Variants in PTER observed in about 807,000 individuals in gnomAD.
The protein encoded by PTER is N-acetyltaurine hydrolase.
Under a neutral mutation model 29.6 loss-of-function variants are expected in PTER, and 38 were observed. That is an observed-to-expected ratio of 1.28 (90% CI 0.99 to 1.68). The LOEUF (loss-of-function observed/expected upper bound fraction) is 1.68, where lower values mean the gene tolerates loss of function less well. Ranked by LOEUF, PTER falls within the 40% of genes most tolerant of loss-of-function variation. The pLI is 0.00. For missense variants in PTER, 482 were observed against 427.8 expected, an observed-to-expected ratio of 1.13 and a Z score of -1.12; for synonymous variants, 172 against 154.5, an observed-to-expected ratio of 1.11 and a Z score of -0.84.
chr10:16,484,451 A>G lies in PTER; in HGVS notation c.67A>G (p.Thr23Ala), dbSNP rs1311338848. Residue 23 changes from threonine (T) to alanine (A), a missense_variant, in exon 2 of 5, where the codon ACC (threonine) becomes GCC (alanine). By Grantham distance (58) the Thr-to-Ala change is moderately conservative. Coordinates refer to ENST00000535784, the MANE Select transcript of PTER (RefSeq NM_001261836.2). ...TGTAGAGCCAAGCAAACTGGGCCGT[A>G]CCCTGACCCATGAACACCTGGCCAT... is the stretch of plus-strand genomic sequence containing the variant. ...GLVEPSKLGR[T>A]LTHEHLAMTF... The G allele has an allele frequency of 1.2e-6, 2 of 1,613,962 alleles. No homozygotes were observed. The highest frequency in any genetic ancestry group is 1.7e-6 in the Non-Finnish European group (2 of 1,179,998).
intron 1 of PTER, among the ~76,000 whole-genome samples, chr10:16,467,107 A>ATGG (rs1188361028): frequency 6.6e-6 from 1 of 152,104 alleles, no homozygotes; most frequent in African/African-American, 2.4e-5. Flanking sequence ...CCCCTTATCC[A>ATGG]TGGTTTTGCT....
At chr10:16,469,092 G>C (rs1834952192) in intron 1 of PTER, among the ~76,000 whole-genome samples, 2 of 152,162 alleles carry the variant, frequency 1.3e-5, no homozygotes, top group African/African-American at 4.8e-5. Context: ...CAACAAGGAG[G>C]AACCACAGGA....
rs769620860 is a variant in PTER at position 16,505,156 on chromosome 10, A to T, written c.835A>T (p.Arg279Ter). The change falls in exon 4 of 5, where the codon AGA becomes TGA. Residue 279 changes from arginine (R) to a stop codon, truncating the protein, a stop_gained. Coordinates refer to ENST00000535784, the MANE Select transcript of PTER (RefSeq NM_001261836.2). LOFTEE classifies it high-confidence loss of function. ...IDMPDDNKRI[R>*]RVRLLVEEGC... ...CATGCCTGATGATAACAAAAGAATT[A>T]GAAGGTAAATATGGTAAAGCCTCTC... is the stretch of plus-strand genomic sequence containing the variant. The T allele has an allele frequency of 9.3e-6, 15 of 1,613,918 alleles. No homozygotes were observed. The South Asian group carries it at 1.5e-4, about 17-fold the overall frequency.
intron 1 of PTER, among the ~76,000 whole-genome samples, chr10:16,440,781 A>G (rs2133353707): frequency 6.6e-6 from 1 of 152,370 alleles, no homozygotes; most frequent in Non-Finnish European, 1.5e-5. Context: ...TTCCTGTGTT[A>G]GACGTATTCG....
intron 1 of PTER, among the ~76,000 whole-genome samples, chr10:16,439,841 G>T (rs1005808566): frequency 1.3e-5 from 2 of 152,114 alleles, no homozygotes; most frequent in African/African-American, 4.8e-5. Context: ...GAGATTACAG[G>T]CGTGAGCCAC....
intron 3 of PTER, among the ~76,000 whole-genome samples, chr10:16,502,375 A>G (rs1377051857): frequency 1.3e-5 from 2 of 152,200 alleles, no homozygotes; most frequent in Admixed American, 1.3e-4. Context: ...AGAAAAACAC[A>G]TATTCTTTCA....
At chr10:16,516,250 C>T (rs116038328), downstream of PTER, among the ~76,000 whole-genome samples, 124 of 152,148 alleles carry the variant, frequency 8.1e-4, no homozygotes, top group African/African-American at 2.8e-3. Flanking sequence ...AATATATATG[C>T]CAATTTAGTA....
chr10:16,461,516 C>T (rs181102820), intron 1 of PTER, among the ~76,000 whole-genome samples: 5 of 152,154 alleles, frequency 3.3e-5, no homozygotes, highest in Non-Finnish European at 7.4e-5. Flanking sequence ...CAGATTTGCC[C>T]TTGACCCCAT....
intron 4 of PTER, among the ~76,000 whole-genome samples, chr10:16,508,083 T>C (rs975276074): frequency 6.7e-5 from 10 of 149,866 alleles, no homozygotes; most frequent in African/African-American, 2.5e-4. Context: ...TTTTTTTTTT[T>C]TTTGAGATGG....
chr10:16,505,267 C>T, intron 4 of PTER, 107 bp downstream of exon 4: 3 of 1,368,722 alleles, frequency 2.2e-6, no homozygotes, highest in Non-Finnish European at 3.0e-6. Flanking sequence ...GCAGGCCGAA[C>T]CACAGACTTG....
At chr10:16,454,196 C>A (rs1564387283) in intron 1 of PTER, among the ~76,000 whole-genome samples, 1 of 152,298 alleles carries the variant, frequency 6.6e-6, no homozygotes, top group East Asian at 1.9e-4. Flanking sequence ...AACTCCACTT[C>A]TAATCCATTT....
chr10:16,446,785 T>G (rs1290842125), intron 1 of PTER, among the ~76,000 whole-genome samples: 1 of 151,688 alleles, frequency 6.6e-6, no homozygotes, highest in African/African-American at 2.4e-5. Context: ...TGTTTGTTTG[T>G]TTTGTTTTGT....
chr10:16,503,634 G>A (rs1334413761), intron 3 of PTER, among the ~76,000 whole-genome samples: 1 of 151,770 alleles, frequency 6.6e-6, no homozygotes, highest in Non-Finnish European at 1.5e-5. Context: ...TTGAACTCCT[G>A]ACCTCAGGTG....
At chr10:16,491,643 T>C (rs1179444814) in intron 3 of PTER, among the ~76,000 whole-genome samples, 2 of 152,020 alleles carry the variant, frequency 1.3e-5, no homozygotes, top group East Asian at 3.9e-4. Flanking sequence ...ATTTCCCCCA[T>C]CATGCCTTTT....
At chr10:16,470,510 G>A (rs113736554) in intron 1 of PTER, among the ~76,000 whole-genome samples, 3,661 of 152,356 alleles carry the variant, frequency 0.024, 146 homozygotes, top group African/African-American at 0.083. Flanking sequence ...GCTCACGCCT[G>A]TAATCCCAGC....
At chr10:16,517,047 A>G (rs943234007), downstream of PTER, among the ~76,000 whole-genome samples, 5 of 152,174 alleles carry the variant, frequency 3.3e-5, no homozygotes, top group African/African-American at 4.8e-5. Context: ...CAGTGACTTC[A>G]ACAATTCTTT....
At chr10:16,510,952 C>T in intron 4 of PTER, 94 bp from the exon 5 acceptor site, 3 of 1,033,838 alleles carry the variant, frequency 2.9e-6, no homozygotes, top group Non-Finnish European at 2.9e-6. Flanking sequence ...ATCTTTACGA[C>T]AAGCACAATA....
At chr10:16,438,481 G>A (rs1385169367) in intron 1 of PTER, among the ~76,000 whole-genome samples, 4 of 135,182 alleles carry the variant, frequency 3.0e-5, no homozygotes, top group South Asian at 2.4e-4. Context: ...TTTTTTTTTT[G>A]TATTTTTGGT....
intron 1 of PTER, among the ~76,000 whole-genome samples, chr10:16,477,277 TA>T (rs1835307944): frequency 1.4e-5 from 2 of 140,186 alleles, no homozygotes; most frequent in Admixed American, 1.4e-4. Flanking sequence ...GATAGATAGA[TA>T]GATAGATAGA....
Sources: allele counts gnomAD v4.1 joint callset (sites outside exome capture counted in the v4.1 genomes callset), GRCh38; gene constraint gnomAD v4.1.1; transcripts MANE v1.5; gene names NCBI Gene and HGNC (gene_info 2026-07-23, HGNC 2026-07-21).